The following GLRX3 variants were observed in gnomAD, a reference collection of about 807,000 sequenced individuals.
The protein encoded by GLRX3 is glutaredoxin 3.
A neutral mutation model predicts 49.5 loss-of-function variants in GLRX3; 22 were observed. The observed-to-expected ratio is 0.44, with a 90% confidence interval of 0.32 to 0.63. The LOEUF (loss-of-function observed/expected upper bound fraction) is 0.63. Ranked by LOEUF, GLRX3 falls within the 30% of genes least tolerant of loss-of-function variation. The pLI is 0.05. For missense variants in GLRX3, 385 were observed against 396.3 expected, an observed-to-expected ratio of 0.97 and a Z score of 0.24; for synonymous variants, 133 against 140.0, an observed-to-expected ratio of 0.95 and a Z score of 0.35.
chr10:130,167,434 T>C (rs1786104649), intron 6 of GLRX3, among the ~76,000 whole-genome samples: 1 of 152,210 alleles, frequency 6.6e-6, no homozygotes, highest in Non-Finnish European at 1.5e-5. Flanking sequence ...CTTTGAGCAC[T>C]TCTCATGGCC....
At chr10:130,136,554 G>T in intron 1 of GLRX3, 42 bp downstream of exon 1, 1 of 1,248,150 alleles carries the variant, frequency 8.0e-7, no homozygotes, top group Non-Finnish European at 1.0e-6. Context: ...AGCCGGAGCG[G>T]GAGCGGCCGC....
At chr10:130,177,140 A>T (rs1862939095) in intron 10 of GLRX3, among the ~76,000 whole-genome samples, 1 of 152,184 alleles carries the variant, frequency 6.6e-6, no homozygotes. Context: ...CTTCATGTTC[A>T]GTTCAATTAA....
intron 2 of GLRX3, among the ~76,000 whole-genome samples, chr10:130,145,758 T>C (rs1447332122): frequency 6.6e-6 from 1 of 152,124 alleles, no homozygotes; most frequent in Non-Finnish European, 1.5e-5. Context: ...TGGTGTGGGA[T>C]CTGTTATTTT....
intron 2 of GLRX3, among the ~76,000 whole-genome samples, chr10:130,150,290 G>A (rs948329249): frequency 6.6e-6 from 1 of 150,712 alleles, no homozygotes; most frequent in Middle Eastern, 3.2e-3. Context: ...ACTTTCCTTT[G>A]TTCGAATGGC....
At chr10:130,144,497 C>A (rs1862235155) in intron 1 of GLRX3, among the ~76,000 whole-genome samples, 1 of 151,856 alleles carries the variant, frequency 6.6e-6, no homozygotes, top group Non-Finnish European at 1.5e-5. Context: ...TGTGATGTTC[C>A]CCTCCCTGTG....
intron 2 of GLRX3, among the ~76,000 whole-genome samples, chr10:130,157,953 A>C (rs2134897633): frequency 6.6e-6 from 1 of 152,326 alleles, no homozygotes; most frequent in Middle Eastern, 3.4e-3. Context: ...TTAGTGCTGC[A>C]AGGGTTTTAG....
At chr10:130,158,952 A>G (rs968824110) in intron 2 of GLRX3, among the ~76,000 whole-genome samples, 2 of 152,214 alleles carry the variant, frequency 1.3e-5, no homozygotes, top group East Asian at 1.9e-4. Context: ...AGCCAAATAC[A>G]TAGTACTCTG....
intron 4 of GLRX3, among the ~76,000 whole-genome samples, chr10:130,161,569 G>A (rs905150322): frequency 1.3e-5 from 2 of 152,144 alleles, no homozygotes; most frequent in African/African-American, 4.8e-5. Context: ...GAAAGATTCC[G>A]AATTCTTGGC....
At chr10:130,163,459 C>T (rs538444043) in intron 4 of GLRX3, among the ~76,000 whole-genome samples, 8 of 152,164 alleles carry the variant, frequency 5.3e-5, no homozygotes, top group African/African-American at 1.9e-4. Context: ...CATCTGAAAA[C>T]GTAGTATTAT....
chr10:130,174,802 T>A, intron 8 of GLRX3, 65 bp from the exon 9 acceptor site: 1 of 978,242 alleles, frequency 1.0e-6, no homozygotes, highest in Non-Finnish European at 1.6e-6. Context: ...AAACATCAAA[T>A]GCATAGAGGT....
intron 4 of GLRX3, among the ~76,000 whole-genome samples, chr10:130,163,915 T>C (rs1372079563): frequency 6.6e-6 from 1 of 152,250 alleles, no homozygotes; most frequent in Non-Finnish European, 1.5e-5. Context: ...GAAAGTGCTA[T>C]CTCTGCTAAC....
chr10:130,163,082 G>A (rs947852265), intron 4 of GLRX3, among the ~76,000 whole-genome samples: 1 of 151,936 alleles, frequency 6.6e-6, no homozygotes, highest in African/African-American at 2.4e-5. Flanking sequence ...TATTATAATG[G>A]AGTGAGATTT....
At chr10:130,174,938 C>T in intron 9 of GLRX3, 32 bp downstream of exon 9, 1 of 1,582,872 alleles carries the variant, frequency 6.3e-7, no homozygotes. Flanking sequence ...TCACCCTTGT[C>T]TTAGCTTTAA....
At chr10:130,168,653 T>C (rs1029938531) in intron 6 of GLRX3, among the ~76,000 whole-genome samples, 1 of 152,142 alleles carries the variant, frequency 6.6e-6, no homozygotes, top group East Asian at 1.9e-4. Flanking sequence ...TCACCGTGTT[T>C]TGCCAGGATG....
chr10:130,167,959 A>G (rs1016344958), intron 6 of GLRX3, among the ~76,000 whole-genome samples: 1 of 152,076 alleles, frequency 6.6e-6, no homozygotes, highest in Non-Finnish European at 1.5e-5. Context: ...CCCTTGGCCC[A>G]TGGAGGCTGT....
intron 2 of GLRX3, among the ~76,000 whole-genome samples, chr10:130,152,089 G>A (rs898742531): frequency 6.6e-6 from 1 of 151,958 alleles, no homozygotes; most frequent in African/African-American, 2.4e-5. Flanking sequence ...GATGCGATCG[G>A]TTCACTGCAA....
intron 1 of GLRX3, among the ~76,000 whole-genome samples, chr10:130,144,927 A>G (rs761442484): frequency 9.2e-5 from 14 of 152,246 alleles, no homozygotes; most frequent in Non-Finnish European, 1.8e-4. Flanking sequence ...TCCCACCAAC[A>G]GTGATTTACA....
chr10:130,160,949 G>T lies in GLRX3; in HGVS notation c.430G>T (p.Ala144Ser). The change falls in exon 4 of 11, where the codon GCC becomes TCC. Residue 144 changes from alanine (A) to serine (S), a missense_variant. Ala to Ser is a moderately conservative substitution (Grantham distance 99). Coordinates refer to ENST00000331244, the MANE Select transcript of GLRX3 (RefSeq NM_006541.5). ...TCGCTTGAAGAAATTGACTCATGCT[G>T]CCCCCTGCATGCTGTTTATGAAAGG... ...NLRLKKLTHA[A>S]PCMLFMKGTP... The T allele has an allele frequency of 6.2e-7, 1 of 1,613,684 alleles. No individual in the cohort carries two copies. The highest frequency in any genetic ancestry group is 1.3e-5 in the African/African-American group (1 of 74,996).
intron 1 of GLRX3, 83 bp from the exon 2 acceptor site, chr10:130,145,128 T>C (rs1001437961): frequency 3.5e-6 from 2 of 564,604 alleles, no homozygotes; most frequent in African/African-American, 1.9e-5. Context: ...CTTTCTTTTT[T>C]TTCTTTTTGG....
Sources: gnomAD v4.1 joint callset for allele counts (sites outside exome capture counted in the v4.1 genomes callset) on GRCh38, gnomAD v4.1.1 for gene constraint, MANE v1.5 for transcripts, NCBI Gene and HGNC (gene_info 2026-07-23, HGNC 2026-07-21) for gene names.